Variants in GRM7 observed in about 807,000 individuals in gnomAD.
GRM7 encodes the protein glutamate metabotropic receptor 7, also known as metabotropic glutamate receptor 7.
Under a neutral mutation model 84.5 loss-of-function variants are expected in GRM7, and 35 were observed. The observed-to-expected ratio is 0.41, with a 90% CI of 0.32 to 0.55. GRM7 has a LOEUF of 0.55. Among genes scored for constraint, GRM7 ranks in the 20% least tolerant of loss-of-function variants. The pLI, the probability that GRM7 is intolerant of heterozygous loss-of-function variation, is 0.19. For synonymous variants in GRM7, 487 were observed against 455.1 expected (o/e 1.07, Z -0.89); for missense variants, 1,003 against 1,194.6 (o/e 0.84, Z 2.36).
At chr3:7,457,657 C>T (rs547564522) in intron 6 of GRM7, among the ~76,000 whole-genome samples, 1 of 152,224 alleles carries the variant, frequency 6.6e-6, no homozygotes, top group East Asian at 1.9e-4. Flanking sequence ...TTTTTCCTCC[C>T]TTTGAGTGAG....
intron 1 of GRM7, among the ~76,000 whole-genome samples, chr3:6,943,025 G>C (rs1697943166): frequency 6.6e-6 from 1 of 151,916 alleles, no homozygotes; most frequent in Non-Finnish European, 1.5e-5. Context: ...TTTTGATAAA[G>C]TGTCTGTTCA....
intron 5 of GRM7, among the ~76,000 whole-genome samples, chr3:7,430,012 G>A (rs6794612): frequency 0.33 from 49,937 of 151,996 alleles, 9,512 homozygotes; most frequent in Non-Finnish European, 0.44. Flanking sequence ...AGTGAGATGG[G>A]CATGGTGGTG....
At chr3:7,382,836 T>A (rs1479371838) in intron 4 of GRM7, among the ~76,000 whole-genome samples, 1 of 152,224 alleles carries the variant, frequency 6.6e-6, no homozygotes, top group African/African-American at 2.4e-5. Context: ...TGAGTCTGAA[T>A]GCCAAACTAC....
At chr3:7,556,198 G>C (rs1693748641) in intron 7 of GRM7, among the ~76,000 whole-genome samples, 1 of 152,078 alleles carries the variant, frequency 6.6e-6, no homozygotes, top group Non-Finnish European at 1.5e-5. Context: ...CCTCTCTTGG[G>C]CCTTTTGTAA....
At chr3:7,142,276 A>G (rs1693970601) in intron 1 of GRM7, among the ~76,000 whole-genome samples, 2 of 152,096 alleles carry the variant, frequency 1.3e-5, no homozygotes, top group East Asian at 3.9e-4. Flanking sequence ...TAATAACTAT[A>G]TATGTGTAGT....
intron 8 of GRM7, among the ~76,000 whole-genome samples, chr3:7,585,738 T>C (rs1695489356): frequency 6.6e-6 from 1 of 152,120 alleles, no homozygotes; most frequent in African/African-American, 2.4e-5. Context: ...GACCCAGGCC[T>C]CAAACTAGGA....
Position 7,355,977 on chromosome 3 carries a change from C to T in GRM7, c.1033+49325C>T, listed in dbSNP as rs1382849459. Among the ~76,000 whole-genome samples the T allele has an allele frequency of 3.9e-5, 6 of 152,114 alleles. No homozygotes were observed. The East Asian group carries it at 7.7e-4, about 20-fold the overall frequency. On this transcript the variant is annotated intron_variant, in intron 4 of 9. Transcript: ENST00000357716. ...CCACCCAGAAGTCAACGCTGCAGCA[C>T]TATAGCCCCTTTCTGTGACATCCCC...
intron 4 of GRM7, among the ~76,000 whole-genome samples, chr3:7,391,090 G>C (rs1239410710): frequency 6.6e-6 from 1 of 150,602 alleles, no homozygotes; most frequent in Admixed American, 6.6e-5. Context: ...TATTGTATAT[G>C]ATCTATTGGT....
chr3:7,609,824 C>G (rs1254058609), intron 8 of GRM7, among the ~76,000 whole-genome samples: 1 of 152,098 alleles, frequency 6.6e-6, no homozygotes, highest in African/African-American at 2.4e-5. Context: ...CATTAGAAAC[C>G]TACTTTGACA....
intron 7 of GRM7, among the ~76,000 whole-genome samples, chr3:7,489,705 T>A (rs950459607): frequency 6.6e-6 from 1 of 151,548 alleles, no homozygotes; most frequent in Non-Finnish European, 1.5e-5. Context: ...TATACATTGA[T>A]TAATTTATTA....
intron 1 of GRM7, among the ~76,000 whole-genome samples, chr3:6,964,240 G>T (rs1693412208): frequency 6.6e-6 from 1 of 152,158 alleles, no homozygotes; most frequent in African/African-American, 2.4e-5. Flanking sequence ...TTTTCTCACA[G>T]TTCTGTAGTC....
chr3:7,247,698 C>G (rs1697827504), intron 2 of GRM7, among the ~76,000 whole-genome samples: 1 of 149,928 alleles, frequency 6.7e-6, no homozygotes, highest in Non-Finnish European at 1.5e-5. Flanking sequence ...GAAAGGCAAG[C>G]CACAAATTAG....
intron 1 of GRM7, among the ~76,000 whole-genome samples, chr3:6,909,563 C>G (rs1430580106): frequency 6.6e-6 from 1 of 151,968 alleles, no homozygotes; most frequent in Non-Finnish European, 1.5e-5. Context: ...ATTGTTGGTC[C>G]AATTGTTGGT....
At chr3:7,445,948 C>A (rs1406656435) in intron 5 of GRM7, among the ~76,000 whole-genome samples, 1 of 152,132 alleles carries the variant, frequency 6.6e-6, no homozygotes, top group Admixed American at 6.5e-5. Context: ...CCTGTGTCCC[C>A]TTCACCCAGA....
chr3:7,258,529 A>G (rs1280439619), intron 2 of GRM7, among the ~76,000 whole-genome samples: 1 of 152,208 alleles, frequency 6.6e-6, no homozygotes, highest in African/African-American at 2.4e-5. Flanking sequence ...GCCACAGACA[A>G]ATGGTTTCAT....
At chr3:7,551,558 C>T (rs1693478288) in intron 7 of GRM7, among the ~76,000 whole-genome samples, 1 of 151,178 alleles carries the variant, frequency 6.6e-6, no homozygotes, top group African/African-American at 2.4e-5. Flanking sequence ...CAATTCTTGA[C>T]ATTTACTTCA....
At chr3:6,875,847 CATTA>C (rs1468018649) in intron 1 of GRM7, among the ~76,000 whole-genome samples, 1 of 152,068 alleles carries the variant, frequency 6.6e-6, no homozygotes, top group Non-Finnish European at 1.5e-5. Context: ...TTGCAGAACT[CATTA>C]ATTGTTATAT....
At chr3:7,351,220 G>A (rs1233274950) in intron 4 of GRM7, among the ~76,000 whole-genome samples, 1 of 151,436 alleles carries the variant, frequency 6.6e-6, no homozygotes, top group Non-Finnish European at 1.5e-5. Flanking sequence ...CAGAGTAGAT[G>A]GAAGACATGC....
chr3:7,187,558 G>A (rs1440094295), intron 2 of GRM7, among the ~76,000 whole-genome samples: 2 of 152,224 alleles, frequency 1.3e-5, no homozygotes, highest in African/African-American at 4.8e-5. Flanking sequence ...AAGCAACAGT[G>A]TTACAGGTCT....
Sources: gnomAD v4.1 joint callset for allele counts (sites outside exome capture counted in the v4.1 genomes callset) on GRCh38, gnomAD v4.1.1 for gene constraint, MANE v1.5 for transcripts, NCBI Gene and HGNC (gene_info 2026-07-23, HGNC 2026-07-21) for gene names.